SATB2: variants seen among roughly 807,000 people sequenced by gnomAD.
The protein encoded by SATB2 is SATB homeobox 2.
A neutral mutation model predicts 73.4 loss-of-function variants in SATB2; 1 was observed. That is an observed-to-expected ratio of 0.01 (90% confidence interval 0.00 to 0.06). The LOEUF (loss-of-function observed/expected upper bound fraction) is 0.06. Among genes scored for constraint, SATB2 ranks in the 10% least tolerant of loss-of-function variants. The probability of loss-of-function intolerance (pLI) is 1.00; values close to 1 mark genes in which losing one functional copy is unlikely to be tolerated. For synonymous variants in SATB2, 397 were observed against 367.0 expected (o/e 1.08, Z -0.93); for missense variants, 459 against 945.8 (o/e 0.49, Z 6.75).
At chr2:199,449,816 C>T (rs911565725) in intron 2 of SATB2, among the ~76,000 whole-genome samples, 3 of 152,028 alleles carry the variant, frequency 2.0e-5, no homozygotes, top group Non-Finnish European at 2.9e-5. Context: ...TACTGGCACC[C>T]TAAATTAATG....
chr2:199,420,000 T>A (rs1345991819), intron 3 of SATB2, among the ~76,000 whole-genome samples: 2 of 152,238 alleles, frequency 1.3e-5, no homozygotes, highest in Non-Finnish European at 2.9e-5. Context: ...TTTATTCGTA[T>A]TCTTAATGAT....
intron 10 of SATB2, among the ~76,000 whole-genome samples, chr2:199,285,877 G>GC (rs1692671419): frequency 7.3e-6 from 1 of 136,304 alleles, no homozygotes; most frequent in South Asian, 2.3e-4. Context: ...GCCTTAGTCT[G>GC]TTTTTTTTTT....
chr2:199,458,722 A>G (rs753288823), upstream of SATB2: 1 of 432,592 alleles, frequency 2.3e-6, no homozygotes, highest in South Asian at 1.6e-5. Context: ...AGTACTTTCG[A>G]CTTTGGAGAT....
intron 3 of SATB2, among the ~76,000 whole-genome samples, chr2:199,386,534 G>A (rs1175048822): frequency 6.6e-6 from 1 of 152,110 alleles, no homozygotes; most frequent in Non-Finnish European, 1.5e-5. Context: ...GGCCATTGAG[G>A]ATAATATTGC....
intron 7 of SATB2, among the ~76,000 whole-genome samples, chr2:199,343,649 T>G (rs570410146): frequency 1.3e-5 from 2 of 152,318 alleles, no homozygotes; most frequent in East Asian, 1.9e-4. Context: ...CTTGATTAGG[T>G]TGGGCTTTAT....
intron 10 of SATB2, among the ~76,000 whole-genome samples, chr2:199,287,046 C>G (rs1240234604): frequency 6.6e-6 from 1 of 152,146 alleles, no homozygotes; most frequent in Non-Finnish European, 1.5e-5. Context: ...AATACTTCAG[C>G]AATGGCAAAA....
intron 7 of SATB2, among the ~76,000 whole-genome samples, chr2:199,342,046 G>C (rs1688521325): frequency 6.6e-6 from 1 of 152,164 alleles, no homozygotes; most frequent in Non-Finnish European, 1.5e-5. Flanking sequence ...CCATCAGATG[G>C]TGGTAAGCAT....
At chr2:199,402,959 A>C (rs955728819) in intron 3 of SATB2, among the ~76,000 whole-genome samples, 1 of 152,240 alleles carries the variant, frequency 6.6e-6, no homozygotes, top group South Asian at 2.1e-4. Context: ...TTCTAAGTCC[A>C]GGTTAACTGT....
intron 9 of SATB2, among the ~76,000 whole-genome samples, chr2:199,315,260 TG>T (rs1314328162): frequency 5.9e-5 from 9 of 152,096 alleles, no homozygotes; most frequent in African/African-American, 1.9e-4. Flanking sequence ...GAATGAGGTA[TG>T]GCAATATCTA....
intron 3 of SATB2, among the ~76,000 whole-genome samples, chr2:199,426,960 ACCT>A (rs1691354890): frequency 6.6e-6 from 1 of 151,588 alleles, no homozygotes; most frequent in South Asian, 2.1e-4. Flanking sequence ...TGCAACCTCC[ACCT>A]CCTGGGTTCA....
chr2:199,305,160 CTA>C (rs1332070675), intron 10 of SATB2, among the ~76,000 whole-genome samples: 1 of 152,114 alleles, frequency 6.6e-6, no homozygotes, highest in Non-Finnish European at 1.5e-5. Context: ...CACATGACAG[CTA>C]TATATGCATG....
Position 199,455,875 on chromosome 2 carries a change from C to A in SATB2, c.163G>T (p.Val55Leu). The change falls in exon 2 of 11, where the codon GTG (valine) becomes TTG (leucine). Residue 55 changes from valine to leucine, a missense_variant. This residue lies in a region of SATB2 where 74 missense variants were observed against 113.3 expected (regional missense o/e 0.65). Transcript: ENST00000417098. The surrounding 1 kb of genome is among the most constrained non-coding windows in gnomAD (Gnocchi z 4.1). ...CCCTGCTCCGGGCTGTTACCTCCCA[C>A]GGCCTTGGCCACGGCGCCGTTGGGC... The part of the protein sequence containing the change: ...GRPNGAVAKA[V>L]GGLMIPVFCV... 1 of 1,536,960 alleles carries A rather than the reference C, an allele frequency of 6.5e-7. No individual in the cohort carries two copies. Among genetic ancestry groups the A allele is most frequent in the Non-Finnish European group, 8.7e-7 (1 of 1,147,842 alleles).
At chr2:199,396,481 G>C in intron 3 of SATB2, 1 of 152,084 alleles carries the variant, frequency 6.6e-6, no homozygotes, top group East Asian at 1.9e-4. Flanking sequence ...ACAAAAATGA[G>C]AATAACATTT....
chr2:199,301,973 CA>C (rs1301111524), intron 10 of SATB2, among the ~76,000 whole-genome samples: 2 of 152,070 alleles, frequency 1.3e-5, no homozygotes, highest in African/African-American at 4.8e-5. Flanking sequence ...TAACCATACT[CA>C]AGAGTCCTAC....
chr2:199,411,239 C>T (rs1690806177), intron 3 of SATB2, among the ~76,000 whole-genome samples: 1 of 151,942 alleles, frequency 6.6e-6, no homozygotes. Context: ...AAAAAATTCA[C>T]CTCTTTGTCC....
intron 9 of SATB2, among the ~76,000 whole-genome samples, chr2:199,314,604 T>C (rs1172175980): frequency 1.3e-5 from 2 of 152,096 alleles, no homozygotes; most frequent in Non-Finnish European, 2.9e-5. Context: ...ACTTGAAAGG[T>C]TAATTGAGAC....
chr2:199,437,000 G>A (rs1460425131), intron 2 of SATB2, among the ~76,000 whole-genome samples: 3 of 151,880 alleles, frequency 2.0e-5, no homozygotes, highest in African/African-American at 7.3e-5. Flanking sequence ...AATTAAGAGT[G>A]GGGAGAATTT....
At chr2:199,314,431 C>A (rs750175332) in intron 9 of SATB2, among the ~76,000 whole-genome samples, 7 of 151,356 alleles carry the variant, frequency 4.6e-5, no homozygotes, top group Non-Finnish European at 1.0e-4. Flanking sequence ...TGCATGAATA[C>A]GATAGGGAAA....
intron 3 of SATB2, among the ~76,000 whole-genome samples, chr2:199,421,934 A>C (rs1691183765): frequency 6.6e-6 from 1 of 152,204 alleles, no homozygotes; most frequent in African/African-American, 2.4e-5. Flanking sequence ...TGTTGACGTA[A>C]ATTACTCTGA....
Sources: allele counts gnomAD v4.1 joint callset (sites outside exome capture counted in the v4.1 genomes callset), GRCh38; gene constraint gnomAD v4.1.1; regional missense constraint gnomAD v4.1.1; non-coding constraint Gnocchi (gnomAD v3.1); transcripts MANE v1.5; gene names NCBI Gene and HGNC (gene_info 2026-07-23, HGNC 2026-07-21).